Variants in ARFGEF3 observed in about 807,000 individuals in gnomAD.
The protein encoded by ARFGEF3 is ARFGEF family member 3.
In ARFGEF3, 96 loss-of-function variants were observed where a neutral mutation model predicts 221.7. The ratio of observed to expected loss-of-function variants is 0.43; its 90% CI spans 0.37 to 0.51. The LOEUF is 0.51. Ranked by LOEUF, ARFGEF3 falls within the 20% of genes least tolerant of loss-of-function variation. The pLI is 0.00. For synonymous variants in ARFGEF3, 1,145 were observed against 1,126.8 expected (o/e 1.02, Z -0.32); for missense variants, 2,410 against 2,789.9 (o/e 0.86, Z 3.07).
rs117014161 is a variant in ARFGEF3, at chr6:138,273,623, G to A, written c.2129-4828G>A. The stretch of plus-strand genomic sequence containing the variant: ...TCATGACATTCGAAGCAAGTAGAGC[G>A]TGGCTAGTGCAAAAACCTGAAGTGT... On this transcript the variant is annotated intron_variant, in intron 12 of 33. Transcript: ENST00000251691. Among the ~76,000 whole-genome samples, 912 of 152,278 alleles carry A rather than the reference G, an allele frequency of 6.0e-3. 8 individuals carry two copies. The highest frequency in any genetic ancestry group is 0.01 in the Non-Finnish European group (697 of 68,014).
chr6:138,319,916 T>A, intron 28 of ARFGEF3, 37 bp downstream of exon 28: 1 of 1,588,852 alleles, frequency 6.3e-7, no homozygotes, highest in African/African-American at 1.3e-5. Flanking sequence ...TCTGGGTATT[T>A]CTTTGGTAGA....
chr6:138,240,017 G>GA (rs1778364055), intron 6 of ARFGEF3, among the ~76,000 whole-genome samples: 1 of 152,040 alleles, frequency 6.6e-6, no homozygotes, highest in Admixed American at 6.5e-5. Context: ...ACACTAATCT[G>GA]AAAAAACAAA....
intron 3 of ARFGEF3, 52 bp from the exon 4 acceptor site, chr6:138,209,858 A>G (rs1240027465): frequency 4.4e-6 from 7 of 1,596,076 alleles, no homozygotes; most frequent in Non-Finnish European, 5.1e-6. Flanking sequence ...ACAACCAAAT[A>G]AGGCAGCAGG....
intron 2 of ARFGEF3, among the ~76,000 whole-genome samples, chr6:138,202,109 GGGGC>G (rs1777547871): frequency 6.6e-6 from 1 of 152,272 alleles, no homozygotes; most frequent in African/African-American, 2.4e-5. Context: ...ATGAAACCTG[GGGGC>G]CACTGCCTTT....
At chr6:138,200,652 C>G (rs1358876460) in intron 2 of ARFGEF3, among the ~76,000 whole-genome samples, 2 of 152,166 alleles carry the variant, frequency 1.3e-5, no homozygotes, top group Non-Finnish European at 2.9e-5. Context: ...ATCCTCATCT[C>G]TCACCTTATA....
At chr6:138,254,589 G>A (rs1778640569) in intron 9 of ARFGEF3, among the ~76,000 whole-genome samples, 1 of 151,974 alleles carries the variant, frequency 6.6e-6, no homozygotes, top group Admixed American at 6.6e-5. Context: ...AATTAGCTGG[G>A]CATGGTGGCG....
chr6:138,333,828 T>C, intron 32 of ARFGEF3, 142 bp from the exon 33 acceptor site: 1 of 934,634 alleles, frequency 1.1e-6, no homozygotes, highest in South Asian at 1.8e-5. Flanking sequence ...GTATGCCTTC[T>C]TTCATGGAAG....
chr6:138,318,901 G>A (rs72988929), intron 27 of ARFGEF3, among the ~76,000 whole-genome samples: 1,623 of 152,240 alleles, frequency 0.011, 13 homozygotes, highest in Non-Finnish European at 0.016. Context: ...AAATACAATA[G>A]AAATAGTATG....
intron 18 of ARFGEF3, among the ~76,000 whole-genome samples, chr6:138,290,835 G>A (rs891126384): frequency 8.5e-5 from 13 of 152,330 alleles, no homozygotes; most frequent in Non-Finnish European, 1.3e-4. Context: ...TCAGTTTCAC[G>A]TCTTCAAAGC....
chr6:138,301,044 A>G (rs573596134), intron 22 of ARFGEF3, among the ~76,000 whole-genome samples: 2 of 152,372 alleles, frequency 1.3e-5, no homozygotes, highest in African/African-American at 4.8e-5. Flanking sequence ...AACAAACAAT[A>G]AACACACACA....
intron 22 of ARFGEF3, among the ~76,000 whole-genome samples, chr6:138,303,871 A>AAT (rs1446319290): frequency 6.8e-6 from 1 of 147,964 alleles, no homozygotes; most frequent in Non-Finnish European, 1.5e-5. Flanking sequence ...AAAAAAAAAA[A>AAT]AAAAAAAAAA....
chr6:138,292,811 AT>A (rs1562382109), intron 19 of ARFGEF3, among the ~76,000 whole-genome samples: 1 of 152,174 alleles, frequency 6.6e-6, no homozygotes, highest in East Asian at 1.9e-4. Flanking sequence ...CTGAGGCTCA[AT>A]TTCTCCAACT....
Position 138,336,464 on chromosome 6 carries a change from G to A in ARFGEF3, c.6512G>A (p.Arg2171His), listed in dbSNP as rs1780326782. ...AGGGAGTGGCTGGGCAGGGTGGGCC[G>A]TGTCTATGACATCATTGTGTAGCCG... ...AVREWLGRVG[R>H]VYDIIV The change falls in exon 34 of 34, where the codon CGT (arginine) becomes CAT (histidine). Residue 2171 changes from arginine to histidine, a missense_variant. By Grantham distance (29) the Arg-to-His change is conservative (BLOSUM62 0). This residue lies in a region of ARFGEF3 where 339 missense variants were observed against 334.9 expected (regional missense o/e 1.01). Transcript: ENST00000251691. 2.5e-6 allele frequency: 4 copies of A among 1,609,958 alleles called. No homozygotes were observed. The highest frequency in any genetic ancestry group is 3.4e-6 in the Non-Finnish European group (4 of 1,178,100).
At chr6:138,234,853 C>T (rs1238559942) in intron 5 of ARFGEF3, among the ~76,000 whole-genome samples, 6 of 151,974 alleles carry the variant, frequency 3.9e-5, no homozygotes, top group Non-Finnish European at 8.8e-5. Context: ...GTATTATATA[C>T]GATTTTAACA....
chr6:138,332,176 G>A (rs1024026010), intron 32 of ARFGEF3, among the ~76,000 whole-genome samples: 3 of 152,142 alleles, frequency 2.0e-5, no homozygotes, highest in African/African-American at 7.2e-5. Flanking sequence ...CACCCCTCTG[G>A]TGGTGCTTCC....
At chr6:138,276,353 G>A (rs969691352) in intron 12 of ARFGEF3, among the ~76,000 whole-genome samples, 4 of 152,188 alleles carry the variant, frequency 2.6e-5, no homozygotes, top group African/African-American at 9.6e-5. Flanking sequence ...CAAGCTCCCT[G>A]TGAAAGTTTG....
chr6:138,203,849 G>T (rs1377947620), intron 2 of ARFGEF3, among the ~76,000 whole-genome samples: 1 of 151,880 alleles, frequency 6.6e-6, no homozygotes. Context: ...CACCATGTTG[G>T]CTAGGATGGT....
rs537966379 is a variant in ARFGEF3, at chr6:138,297,934, T to C, written c.3649-672T>C. Among the ~76,000 whole-genome samples, 153 of 152,318 alleles carry C rather than the reference T, an allele frequency of 1.0e-3. 1 individual carries two copies. The highest frequency in any genetic ancestry group is 3.2e-3 in the African/African-American group (135 of 41,574). On this transcript the variant is annotated intron_variant, in intron 21 of 33. Transcript: ENST00000251691. ...TGGGAAGGCTAGACAAATAGGTCTC[T>C]CTTTTCATGGTCTCTCATGTAGACT... is the stretch of plus-strand genomic sequence containing the variant.
At chr6:138,214,273 C>T (rs768135219) in intron 4 of ARFGEF3, among the ~76,000 whole-genome samples, 6 of 152,198 alleles carry the variant, frequency 3.9e-5, no homozygotes, top group Admixed American at 1.3e-4. Context: ...ATTTCCATTA[C>T]ATCTGAAGGG....
Sources: gnomAD v4.1 joint callset for allele counts (sites outside exome capture counted in the v4.1 genomes callset) on GRCh38, gnomAD v4.1.1 for gene constraint, gnomAD v4.1.1 regional missense constraint, MANE v1.5 for transcripts, NCBI Gene and HGNC (gene_info 2026-07-23, HGNC 2026-07-21) for gene names.